GABBR2: variants seen among roughly 807,000 people sequenced by gnomAD.
GABBR2 encodes gamma-aminobutyric acid type B receptor subunit 2.
Under a neutral mutation model 105.6 loss-of-function variants are expected in GABBR2, and 23 were observed. That is an observed-to-expected ratio of 0.22 (90% CI 0.16 to 0.31). GABBR2 has a LOEUF of 0.31. Ranked by LOEUF, GABBR2 falls within the 10% of genes least tolerant of loss-of-function variation. The pLI is 1.00. For missense variants in GABBR2, 734 were observed against 1,245.5 expected, an observed-to-expected ratio of 0.59 and a Z score of 6.18; for synonymous variants, 478 against 499.7, an observed-to-expected ratio of 0.96 and a Z score of 0.58.
intron 6 of GABBR2, among the ~76,000 whole-genome samples, chr9:98,458,603 G>T (rs1826366933): frequency 6.6e-6 from 1 of 152,154 alleles, no homozygotes; most frequent in Non-Finnish European, 1.5e-5. Flanking sequence ...TACTCAGGAG[G>T]CTGAGACACA....
intron 3 of GABBR2, among the ~76,000 whole-genome samples, chr9:98,532,612 G>T (rs1282864677): frequency 6.6e-6 from 1 of 152,140 alleles, no homozygotes; most frequent in Non-Finnish European, 1.5e-5. Flanking sequence ...GAGCACAGTG[G>T]TCCCACCTGA....
chr9:98,309,660 T>C (rs1830606686), intron 14 of GABBR2, among the ~76,000 whole-genome samples: 1 of 152,252 alleles, frequency 6.6e-6, no homozygotes, highest in South Asian at 2.1e-4. Flanking sequence ...ACTATGAGTG[T>C]GTCCTTGTCC....
At chr9:98,677,350 G>A (rs1271853355) in intron 1 of GABBR2, among the ~76,000 whole-genome samples, 2 of 152,300 alleles carry the variant, frequency 1.3e-5, no homozygotes, top group East Asian at 1.9e-4. Flanking sequence ...GAAGAGCCCT[G>A]GTCATTGGCT....
chr9:98,683,852 C>T (rs1418391902), intron 1 of GABBR2, among the ~76,000 whole-genome samples: 1 of 151,406 alleles, frequency 6.6e-6, no homozygotes, highest in Admixed American at 6.6e-5. Context: ...ACTAAAACTA[C>T]AAAAAATTAG....
At chr9:98,605,307 C>T (rs1373198496) in intron 1 of GABBR2, among the ~76,000 whole-genome samples, 1 of 152,188 alleles carries the variant, frequency 6.6e-6, no homozygotes, top group Non-Finnish European at 1.5e-5. Flanking sequence ...AGCATGAACA[C>T]GGGGATTTTC....
chr9:98,401,632 A>G (rs1832396285), intron 8 of GABBR2, among the ~76,000 whole-genome samples: 1 of 152,176 alleles, frequency 6.6e-6, no homozygotes, highest in African/African-American at 2.4e-5. Flanking sequence ...GTTGAGTGAC[A>G]GTCTGACGAA....
intron 13 of GABBR2, among the ~76,000 whole-genome samples, chr9:98,349,118 G>C (rs1376892444): frequency 1.3e-5 from 1 of 76,336 alleles, no homozygotes; most frequent in Admixed American, 1.7e-4. Flanking sequence ...CTAATTTGTT[G>C]AATTTTTTTT....
intron 4 of GABBR2, among the ~76,000 whole-genome samples, chr9:98,491,112 A>C (rs1469969781): frequency 6.7e-6 from 1 of 149,632 alleles, no homozygotes; most frequent in Non-Finnish European, 1.5e-5. Context: ...TTCTTTCTTT[A>C]TTTCAGTGAG....
chr9:98,546,017 C>T (rs1018960424), intron 2 of GABBR2, among the ~76,000 whole-genome samples: 7 of 152,114 alleles, frequency 4.6e-5, no homozygotes, highest in Non-Finnish European at 5.9e-5. Context: ...GGATTTATTT[C>T]GGAGAGTATT....
At chr9:98,455,639 A>T (rs1397935316) in intron 6 of GABBR2, among the ~76,000 whole-genome samples, 1 of 152,178 alleles carries the variant, frequency 6.6e-6, no homozygotes, top group Non-Finnish European at 1.5e-5. Flanking sequence ...TGATTTCTAA[A>T]GTCATAATTG....
At chr9:98,399,324 C>T (rs1832348442) in intron 8 of GABBR2, among the ~76,000 whole-genome samples, 1 of 149,190 alleles carries the variant, frequency 6.7e-6, no homozygotes, top group Non-Finnish European at 1.5e-5. Flanking sequence ...TGTACTCCAG[C>T]CTGGGTGACA....
intron 1 of GABBR2, among the ~76,000 whole-genome samples, chr9:98,674,327 C>G (rs966634372): frequency 1.3e-5 from 2 of 152,180 alleles, no homozygotes; most frequent in Non-Finnish European, 2.9e-5. Flanking sequence ...TCTGAACAAA[C>G]AGATCCCACC....
intron 3 of GABBR2, among the ~76,000 whole-genome samples, chr9:98,528,956 A>T (rs1828013561): frequency 7.0e-6 from 1 of 142,458 alleles, no homozygotes; most frequent in Non-Finnish European, 1.5e-5. Flanking sequence ...AAGTACAAGT[A>T]TGAGTTTACT....
intron 4 of GABBR2, among the ~76,000 whole-genome samples, chr9:98,481,376 T>C (rs1189503426): frequency 6.6e-6 from 1 of 152,172 alleles, no homozygotes; most frequent in East Asian, 1.9e-4. Flanking sequence ...ACACTTTACA[T>C]ATAGGAAAAC....
chr9:98,625,239 C>A (rs1158991679), intron 1 of GABBR2, among the ~76,000 whole-genome samples: 4 of 152,246 alleles, frequency 2.6e-5, no homozygotes, highest in Non-Finnish European at 1.5e-5. Flanking sequence ...CTGCTCCACC[C>A]CTGCCCTACT....
At chr9:98,465,717 C>G (rs1380330923) in intron 6 of GABBR2, among the ~76,000 whole-genome samples, 2 of 152,242 alleles carry the variant, frequency 1.3e-5, no homozygotes, top group African/African-American at 4.8e-5. Flanking sequence ...CATTTCACTT[C>G]TGCGTTTGCC....
chr9:98,445,945 C>T (rs772924537), intron 7 of GABBR2, among the ~76,000 whole-genome samples: 22 of 152,148 alleles, frequency 1.4e-4, no homozygotes, highest in Non-Finnish European at 2.8e-4. Flanking sequence ...GAGCACTGAG[C>T]TAGTCAAAAG....
intron 13 of GABBR2, among the ~76,000 whole-genome samples, chr9:98,338,563 C>T (rs915519104): frequency 2.0e-5 from 3 of 152,180 alleles, no homozygotes; most frequent in Non-Finnish European, 2.9e-5. Flanking sequence ...TAGTCATTCT[C>T]ATCAAAACCA....
At chr9:98,674,247 T>G (rs965313955) in intron 1 of GABBR2, among the ~76,000 whole-genome samples, 1 of 152,170 alleles carries the variant, frequency 6.6e-6, no homozygotes, top group Non-Finnish European at 1.5e-5. Flanking sequence ...TCCAGTTGCT[T>G]GTTCTTACAA....
Sources: gnomAD v4.1 joint callset for allele counts (sites outside exome capture counted in the v4.1 genomes callset) on GRCh38, gnomAD v4.1.1 for gene constraint, MANE v1.5 for transcripts, NCBI Gene and HGNC (gene_info 2026-07-23, HGNC 2026-07-21) for gene names.